The following UBR3 variants were observed in gnomAD, a reference collection of about 807,000 sequenced individuals.
The protein encoded by UBR3 is ubiquitin protein ligase E3 component n-recognin 3, also known as E3 ubiquitin-protein ligase UBR3.
A neutral mutation model predicts 243.2 loss-of-function variants in UBR3; 85 were observed. That is an observed-to-expected ratio of 0.35 (90% CI 0.29 to 0.42). The LOEUF (loss-of-function observed/expected upper bound fraction) is 0.42, where lower values mean the gene tolerates loss of function less well. Ranked by LOEUF, UBR3 falls within the 10% of genes least tolerant of loss-of-function variation. The pLI is 1.00. For missense variants in UBR3, 1,686 were observed against 2,300.8 expected (o/e 0.73, Z 5.47); for synonymous variants, 748 against 799.8 (o/e 0.94, Z 1.09).
chr2:170,066,496 G>A (rs1356812009), intron 35 of UBR3, among the ~76,000 whole-genome samples: 2 of 125,506 alleles, frequency 1.6e-5, no homozygotes, highest in Admixed American at 8.6e-5. Context: ...TTCTCTGAGG[G>A]GCTCATGATT....
chr2:170,054,604 T>G (rs1038157080), intron 32 of UBR3, among the ~76,000 whole-genome samples: 1 of 152,080 alleles, frequency 6.6e-6, no homozygotes, highest in Non-Finnish European at 1.5e-5. Flanking sequence ...TTTTAAAAAT[T>G]TTTGTAGAGA....
rs1210691303 is a variant in UBR3 at position 169,857,073 on chromosome 2, T to TTG, written c.546-15162_546-15161insGT. On this transcript the variant is annotated intron_variant, in intron 1 of 38. Transcript: ENST00000272793. ...AGCATAATTTTATTATGTTTTTTTT[T>TTG]TTTTTTTTTTTTTTTTTTGAGACGG... Among the ~76,000 whole-genome samples, 499 of 121,996 alleles carry TTG rather than the reference T, an allele frequency of 4.1e-3. 19 individuals carry two copies. Among genetic ancestry groups the TTG allele is most frequent in the African/African-American group, 0.014 (454 of 32,248 alleles). The allele number at this position is 121,996 out of a possible 152,430, so 80.0% of individuals were successfully genotyped here. A position where few individuals can be genotyped will look rare whatever the true frequency, so the allele number is the denominator to read the frequency against.
At chr2:169,905,820 C>G (rs1204760975) in intron 9 of UBR3, among the ~76,000 whole-genome samples, 1 of 152,190 alleles carries the variant, frequency 6.6e-6, no homozygotes, top group Non-Finnish European at 1.5e-5. Context: ...TGAGATAATT[C>G]ATAAAATGTT....
chr2:169,976,065 A>G (rs548619714), intron 24 of UBR3, among the ~76,000 whole-genome samples: 4 of 148,566 alleles, frequency 2.7e-5, no homozygotes, highest in African/African-American at 9.9e-5. Context: ...ATGTGTTTTT[A>G]CTGGCAAAGT....
chr2:170,015,479 T>C, intron 30 of UBR3, 113 bp downstream of exon 30: 1 of 707,146 alleles, frequency 1.4e-6, no homozygotes, highest in Admixed American at 2.9e-5. Flanking sequence ...TATGATCTAT[T>C]TAGATAGTGA....
At chr2:169,951,538 A>T (rs1344201791) in intron 23 of UBR3, among the ~76,000 whole-genome samples, 2 of 152,200 alleles carry the variant, frequency 1.3e-5, no homozygotes, top group Non-Finnish European at 2.9e-5. Flanking sequence ...AACAGATACT[A>T]TCTTAGGTAC....
intron 19 of UBR3, among the ~76,000 whole-genome samples, chr2:169,934,500 T>C (rs1316349132): frequency 6.6e-6 from 1 of 152,148 alleles, no homozygotes; most frequent in Non-Finnish European, 1.5e-5. Context: ...CCTCCCAAAG[T>C]GTTGGGATTA....
chr2:169,925,485 T>G, intron 13 of UBR3, 134 bp from the exon 14 acceptor site: 2 of 764,110 alleles, frequency 2.6e-6, no homozygotes, highest in Non-Finnish European at 1.9e-6. Context: ...TTTCAACTGA[T>G]TATCTTTAAC....
At chr2:169,939,101 ATTAT>A (rs1349361296) in intron 19 of UBR3, among the ~76,000 whole-genome samples, 2 of 151,310 alleles carry the variant, frequency 1.3e-5, no homozygotes, top group Non-Finnish European at 2.9e-5. Flanking sequence ...TTTTATTCCT[ATTAT>A]TTATTTGTGT....
chr2:170,057,119 T>C (rs57983961), intron 33 of UBR3, among the ~76,000 whole-genome samples: 870 of 10,976 alleles, frequency 0.079, 9 homozygotes, highest in Middle Eastern at 0.12. Context: ...TAGTTTTTTC[T>C]TTTTTTTTTT....
intron 24 of UBR3, among the ~76,000 whole-genome samples, chr2:169,966,597 G>T (rs1460090335): frequency 6.6e-6 from 1 of 152,192 alleles, no homozygotes; most frequent in Non-Finnish European, 1.5e-5. Context: ...GCAGTATAGT[G>T]TAGTGGTTGT....
chr2:169,871,276 A>T (rs995041698), intron 1 of UBR3, among the ~76,000 whole-genome samples: 1 of 152,016 alleles, frequency 6.6e-6, no homozygotes, highest in African/African-American at 2.4e-5. Flanking sequence ...ATGTAGCAAG[A>T]CCCTGTCTCT....
At chr2:170,035,430 C>T (rs1036141563) in intron 31 of UBR3, among the ~76,000 whole-genome samples, 49 of 151,876 alleles carry the variant, frequency 3.2e-4, no homozygotes, top group Admixed American at 3.2e-3. Context: ...GTGTTTTTTC[C>T]ACTGTATTGC....
chr2:170,013,253 A>C (rs1385879859), intron 29 of UBR3, among the ~76,000 whole-genome samples: 1 of 152,142 alleles, frequency 6.6e-6, no homozygotes, highest in Non-Finnish European at 1.5e-5. Context: ...TCAAAGGACC[A>C]ATTTTGACAT....
chr2:169,953,874 A>T (rs758682300), intron 23 of UBR3, among the ~76,000 whole-genome samples: 3 of 152,212 alleles, frequency 2.0e-5, no homozygotes, highest in Non-Finnish European at 1.5e-5. Flanking sequence ...AAGACCAAAA[A>T]TGTAGTCTGT....
chr2:169,956,531 A>G (rs973096971), intron 23 of UBR3, among the ~76,000 whole-genome samples: 3 of 152,118 alleles, frequency 2.0e-5, no homozygotes, highest in Non-Finnish European at 4.4e-5. Flanking sequence ...AACCTGGATA[A>G]TAATATTTTG....
intron 1 of UBR3, among the ~76,000 whole-genome samples, chr2:169,847,702 G>A (rs964923427): frequency 6.6e-6 from 1 of 152,048 alleles, no homozygotes; most frequent in African/African-American, 2.4e-5. Flanking sequence ...CTCCACTACT[G>A]AGGAAAGATA....
chr2:169,827,754 C>A lies in UBR3; in HGVS notation c.247C>A (p.Pro83Thr). The A allele has an allele frequency of 7.8e-7, 1 of 1,283,134 alleles. No homozygotes were observed. The allele number at this position is 1,283,134 out of a possible 1,614,324, so 79.5% of individuals were successfully genotyped here. ...GGCGGCGGCCGGAGGCGGGGGCGGTCCGGGGGCGGCCGAGGAGGAGGCCCT... is the reference window on the plus strand; with the variant it reads ...GGCGGCGGCCGGAGGCGGGGGCGGTACGGGGGCGGCCGAGGAGGAGGCCCT... ...DAAAAGGGGG[P>T]GAAEEEALEW... Residue 83 changes from proline (P) to threonine (T), a missense_variant, in exon 1 of 39, where the codon CCG (proline) becomes ACG (threonine). By Grantham distance (38) the Pro-to-Thr change is conservative. Around this residue, in one of 8 missense-constraint regions of UBR3, gnomAD observed 145 missense variants for 243.8 expected, o/e 0.59. Coordinates refer to ENST00000272793, the MANE Select transcript of UBR3 (RefSeq NM_172070.4).
At chr2:169,930,605 C>T (rs943937387) in intron 18 of UBR3, among the ~76,000 whole-genome samples, 4 of 151,966 alleles carry the variant, frequency 2.6e-5, no homozygotes, top group Non-Finnish European at 5.9e-5. Context: ...AGGCTGGTCT[C>T]GACTGTTGGG....
Sources: gnomAD v4.1 joint callset for allele counts (sites outside exome capture counted in the v4.1 genomes callset) on GRCh38, gnomAD v4.1.1 for gene constraint, gnomAD v4.1.1 regional missense constraint, MANE v1.5 for transcripts, NCBI Gene and HGNC (gene_info 2026-07-23, HGNC 2026-07-21) for gene names.